Variants in PGAP1 observed in about 807,000 individuals in gnomAD.
The protein encoded by PGAP1 is post-GPI attachment to proteins inositol deacylase 1, also known as GPI inositol-deacylase.
In PGAP1, 76 loss-of-function variants were observed where a neutral mutation model predicts 127.0. The ratio of observed to expected loss-of-function variants is 0.60; its 90% CI spans 0.50 to 0.72. The LOEUF (loss-of-function observed/expected upper bound fraction) is 0.72. Among genes scored for constraint, PGAP1 ranks in the 30% least tolerant of loss-of-function variants. The pLI is 0.00. For synonymous variants in PGAP1, 362 were observed against 366.5 expected (o/e 0.99, Z 0.14); for missense variants, 982 against 1,071.3 (o/e 0.92, Z 1.16).
At chr2:196,887,239 C>T (rs765001082) in intron 10 of PGAP1, among the ~76,000 whole-genome samples, 17 of 152,132 alleles carry the variant, frequency 1.1e-4, no homozygotes, top group Admixed American at 2.0e-4. Context: ...AAAAAATTAG[C>T]TGGGCGTGGT....
intron 20 of PGAP1, among the ~76,000 whole-genome samples, chr2:196,854,723 C>T (rs565494437): frequency 3.9e-5 from 6 of 152,270 alleles, no homozygotes; most frequent in African/African-American, 9.6e-5. Flanking sequence ...AAAGCATTTG[C>T]AATCAGCTGT....
intron 20 of PGAP1, among the ~76,000 whole-genome samples, chr2:196,859,290 G>A (rs1183839064): frequency 6.6e-6 from 1 of 152,118 alleles, no homozygotes; most frequent in Non-Finnish European, 1.5e-5. Flanking sequence ...TTGCACTACT[G>A]CACTCCAACT....
intron 3 of PGAP1, among the ~76,000 whole-genome samples, chr2:196,914,226 T>C (rs1268796111): frequency 1.3e-5 from 2 of 152,230 alleles, no homozygotes; most frequent in Admixed American, 1.3e-4. Context: ...CATTAGTGTA[T>C]AAATATACTG....
intron 20 of PGAP1, among the ~76,000 whole-genome samples, chr2:196,860,520 C>T (rs569225908): frequency 2.9e-4 from 44 of 151,926 alleles, no homozygotes; most frequent in Middle Eastern, 3.4e-3. Flanking sequence ...GGCAACAGAA[C>T]GAGACTCCAT....
chr2:196,889,235 A>C (rs1434638269), intron 10 of PGAP1, among the ~76,000 whole-genome samples: 2 of 152,194 alleles, frequency 1.3e-5, no homozygotes, highest in African/African-American at 4.8e-5. Flanking sequence ...TTTTACTCTC[A>C]AGGCCAGAAT....
rs1440963809 is a variant in PGAP1 at position 196,834,546 on chromosome 2, T to C, written c.*6688A>G. 2.6e-5 allele frequency: 4 copies of C among 152,460 alleles called. No individual in the cohort carries two copies. The highest frequency in any genetic ancestry group is 4.4e-5 in the Non-Finnish European group (3 of 67,898). 9.4% of individuals were successfully genotyped at this position (152,460 alleles called of 1,614,324 possible). A position where few individuals can be genotyped will look rare whatever the true frequency, so the allele number is the denominator to read the frequency against. On this transcript the variant is annotated 3_prime_UTR_variant, in exon 27 of 27. Transcript: ENST00000354764. Reference sequence around the variant, plus strand: ...TTGGTCTGGTTTCTCATGGGTATGTTGTTATATTTATAGCCAGTCATAAGC... The same window carrying C: ...TTGGTCTGGTTTCTCATGGGTATGTCGTTATATTTATAGCCAGTCATAAGC...
chr2:196,926,652 C>T lies in PGAP1; in HGVS notation c.-36G>A. 1 of 1,612,816 alleles carries T rather than the reference C, an allele frequency of 6.2e-7. No homozygotes were observed. The highest frequency in any genetic ancestry group is 1.7e-5 in the Admixed American group (1 of 59,956). ...CCACCGCCGCCGCCGCCGCCGCCCC[C>T]TCTACCTCCTTCTCCGCCGCGGGGC... On this transcript the variant is annotated 5_prime_UTR_variant, in exon 1 of 27. Transcript: ENST00000354764.
chr2:196,848,122 T>C, intron 20 of PGAP1, 85 bp from the exon 21 acceptor site: 1 of 817,252 alleles, frequency 1.2e-6, no homozygotes, highest in South Asian at 2.2e-5. Flanking sequence ...AACAGCAACA[T>C]ATTTTATGTC....
At chr2:196,887,794 T>C (rs1202829153) in intron 10 of PGAP1, among the ~76,000 whole-genome samples, 2 of 152,226 alleles carry the variant, frequency 1.3e-5, no homozygotes, top group Non-Finnish European at 2.9e-5. Context: ...TGTTTCTCTG[T>C]AGGCAAAATA....
intron 5 of PGAP1, among the ~76,000 whole-genome samples, chr2:196,902,200 A>C (rs1222887863): frequency 6.6e-6 from 1 of 152,024 alleles, no homozygotes; most frequent in African/African-American, 2.4e-5. Context: ...GGCTAATTTT[A>C]AAGATTTTTT....
At chr2:196,846,601 T>C (rs1309022364) in intron 22 of PGAP1, among the ~76,000 whole-genome samples, 1 of 152,178 alleles carries the variant, frequency 6.6e-6, no homozygotes, top group Non-Finnish European at 1.5e-5. Flanking sequence ...GGCAATGTTT[T>C]TGGAGCTTTT....
chr2:196,837,962 A>G lies in PGAP1; in HGVS notation c.*3272T>C, dbSNP rs2125771346. On this transcript the variant is annotated 3_prime_UTR_variant, in exon 27 of 27. Transcript: ENST00000354764. ...CACAGATGGCTTTTCTAGAGTCATC[A>G]CTTTAAATATTTTCATTCTGGTGAT... 1 of 152,314 alleles carries G rather than the reference A, an allele frequency of 6.6e-6. No individual in the cohort carries two copies. Among genetic ancestry groups the G allele is most frequent in the African/African-American group, 2.4e-5 (1 of 41,562 alleles). 9.4% of individuals were successfully genotyped at this position (152,314 alleles called of 1,614,324 possible). A position where few individuals can be genotyped will look rare whatever the true frequency, so the allele number is the denominator to read the frequency against.
At chr2:196,926,029 C>G (rs1703348044) in intron 1 of PGAP1, among the ~76,000 whole-genome samples, 1 of 151,954 alleles carries the variant, frequency 6.6e-6, no homozygotes, top group Non-Finnish European at 1.5e-5. Context: ...GGAATTTAGG[C>G]GCGTGGGAAG....
intron 25 of PGAP1, among the ~76,000 whole-genome samples, chr2:196,843,610 A>C (rs927064129): frequency 6.6e-6 from 1 of 152,134 alleles, no homozygotes. Flanking sequence ...TACACATAGT[A>C]AGGGAGAAAA....
intron 20 of PGAP1, 28 bp from the exon 21 acceptor site, chr2:196,848,065 A>G: frequency 1.4e-6 from 2 of 1,479,788 alleles, no homozygotes; most frequent in South Asian, 1.2e-5. Context: ...GTTACATGCA[A>G]TTTACAGTAA....
chr2:196,896,892 G>A (rs773388018), intron 7 of PGAP1, among the ~76,000 whole-genome samples: 4 of 150,864 alleles, frequency 2.7e-5, no homozygotes, highest in Non-Finnish European at 1.5e-5. Context: ...GAAAGAACTG[G>A]GGGAAGATTT....
chr2:196,916,413 C>G lies in PGAP1; in HGVS notation c.477+5G>C. On this transcript the variant is annotated splice_donor_5th_base_variant and intron_variant, in intron 3 of 26. Transcript: ENST00000354764. ...CCACTATTGATTTGCATACTTATCT[C>G]TCACCTTATAGAGTTTGAGAATTGT... is the stretch of plus-strand genomic sequence containing the variant. The G allele has an allele frequency of 6.3e-7, 1 of 1,593,654 alleles. No individual in the cohort carries two copies. Among genetic ancestry groups the G allele is most frequent in the South Asian group, 1.1e-5 (1 of 87,176 alleles).
intron 18 of PGAP1, among the ~76,000 whole-genome samples, 180 bp from the exon 19 acceptor site, chr2:196,871,159 TAG>T (rs1701397987): frequency 6.6e-6 from 1 of 152,192 alleles, no homozygotes; most frequent in Non-Finnish European, 1.5e-5. Context: ...TGCATTAAAG[TAG>T]AGTGTTACTG....
intron 13 of PGAP1, 63 bp from the exon 14 acceptor site, chr2:196,875,884 CTTGA>C: frequency 8.4e-6 from 7 of 833,216 alleles, no homozygotes; most frequent in Non-Finnish European, 1.4e-5. Flanking sequence ...AGTATCTTTA[CTTGA>C]TGTTTGAGTG....
Sources: allele counts gnomAD v4.1 joint callset (sites outside exome capture counted in the v4.1 genomes callset), GRCh38; gene constraint gnomAD v4.1.1; transcripts MANE v1.5; gene names NCBI Gene and HGNC (gene_info 2026-07-23, HGNC 2026-07-21).